CCDC192: variants seen among roughly 807,000 people sequenced by gnomAD.
CCDC192 encodes the protein coiled-coil domain-containing protein 192.
intron 6 of CCDC192, among the ~76,000 whole-genome samples, chr5:127,892,645 A>G (rs1378636449): frequency 6.6e-6 from 1 of 152,180 alleles, no homozygotes; most frequent in Non-Finnish European, 1.5e-5. Context: ...CAGTCCTCTG[A>G]CATCATTTTC....
At chr5:127,827,432 A>T (rs1749582871) in intron 5 of CCDC192, among the ~76,000 whole-genome samples, 1 of 152,246 alleles carries the variant, frequency 6.6e-6, no homozygotes, top group Non-Finnish European at 1.5e-5. Context: ...AAAGAAAAAG[A>T]ACAGATCCCA....
At chr5:127,744,196 A>C (rs1346105148) in intron 2 of CCDC192, among the ~76,000 whole-genome samples, 1 of 151,920 alleles carries the variant, frequency 6.6e-6, no homozygotes, top group Non-Finnish European at 1.5e-5. Flanking sequence ...AATTCTGATC[A>C]TGAAAGGGGA....
At chr5:127,758,289 A>G (rs1397408972) in intron 3 of CCDC192, among the ~76,000 whole-genome samples, 1 of 152,200 alleles carries the variant, frequency 6.6e-6, no homozygotes, top group African/African-American at 2.4e-5. Context: ...TTACAAAGAA[A>G]AAAATTAGAA....
intron 5 of CCDC192, among the ~76,000 whole-genome samples, chr5:127,816,317 C>T (rs1050768519): frequency 6.6e-6 from 1 of 152,156 alleles, no homozygotes; most frequent in Non-Finnish European, 1.5e-5. Flanking sequence ...GCAAAGGAGG[C>T]AGACAGAGAT....
intron 3 of CCDC192, chr5:127,786,859 C>T: frequency 2.0e-6 from 1 of 497,464 alleles, no homozygotes; most frequent in Non-Finnish European, 3.8e-6. Context: ...GCTCCTCATG[C>T]TTGGTTTGAC....
intron 3 of CCDC192, among the ~76,000 whole-genome samples, chr5:127,781,065 A>G (rs951647017): frequency 6.6e-6 from 1 of 152,136 alleles, no homozygotes; most frequent in Non-Finnish European, 1.5e-5. Flanking sequence ...CATTTATCCC[A>G]GCACCATTTG....
chr5:127,842,276 ACTAT>A (rs1392038066), intron 5 of CCDC192, among the ~76,000 whole-genome samples: 1 of 152,226 alleles, frequency 6.6e-6, no homozygotes, highest in Non-Finnish European at 1.5e-5. Context: ...GTACAGCAGT[ACTAT>A]CATAGCTCAC....
At chr5:127,735,454 A>G (rs1409545240) in intron 2 of CCDC192, among the ~76,000 whole-genome samples, 5 of 142,034 alleles carry the variant, frequency 3.5e-5, no homozygotes, top group South Asian at 2.2e-4. Flanking sequence ...GTTTTTTCCA[A>G]TTCTTTGAAG....
intron 5 of CCDC192, among the ~76,000 whole-genome samples, chr5:127,816,870 T>C (rs1749048786): frequency 1.3e-5 from 2 of 152,154 alleles, no homozygotes; most frequent in Non-Finnish European, 2.9e-5. Context: ...CCCAGTAAGT[T>C]TGTGGGTCTC....
At chr5:127,876,927 T>C (rs751798648) in intron 6 of CCDC192, among the ~76,000 whole-genome samples, 2 of 152,220 alleles carry the variant, frequency 1.3e-5, no homozygotes, top group Non-Finnish European at 2.9e-5. Flanking sequence ...ATAAAGGCAG[T>C]TTGTAAATTT....
chr5:127,925,119 C>T (rs1753828371), intron 6 of CCDC192, among the ~76,000 whole-genome samples: 1 of 128,052 alleles, frequency 7.8e-6, no homozygotes, highest in Non-Finnish European at 1.5e-5. Context: ...TCTAAAGTGC[C>T]TTGGATTTGA....
At chr5:127,727,316 T>C (rs527492887) in intron 2 of CCDC192, among the ~76,000 whole-genome samples, 3 of 151,898 alleles carry the variant, frequency 2.0e-5, no homozygotes, top group South Asian at 4.2e-4. Flanking sequence ...CTACTAAAAA[T>C]ACAAGATTAG....
chr5:127,744,621 C>G lies in CCDC192; in HGVS notation c.115-9647C>G, dbSNP rs188570532. On this transcript the variant is annotated intron_variant, in intron 2 of 6. Transcript: ENST00000514853. The stretch of plus-strand genomic sequence containing the variant: ...TCTTGCTCTTAAATAAATGCACATG[C>G]ACATATTTAATACATTAACTGTTCT... Among the ~76,000 whole-genome samples the G allele has an allele frequency of 2.0e-5, 3 of 152,266 alleles. No homozygotes were observed. In the East Asian group the frequency reaches 5.8e-4, roughly 29 times the overall value.
At chr5:127,753,609 AC>A (rs1197143099) in intron 2 of CCDC192, among the ~76,000 whole-genome samples, 2 of 151,338 alleles carry the variant, frequency 1.3e-5, no homozygotes, top group African/African-American at 4.9e-5. Flanking sequence ...AATCGCTTGA[AC>A]CCAGGAGGTG....
At chr5:127,885,046 T>C (rs878989162) in intron 6 of CCDC192, among the ~76,000 whole-genome samples, 1 of 152,144 alleles carries the variant, frequency 6.6e-6, no homozygotes, top group Admixed American at 6.5e-5. Context: ...TTTGGAATTA[T>C]ACCATTATCA....
At chr5:127,799,356 G>T (rs1757355503) in intron 5 of CCDC192, among the ~76,000 whole-genome samples, 1 of 152,148 alleles carries the variant, frequency 6.6e-6, no homozygotes, top group South Asian at 2.1e-4. Context: ...TTTTGGGCTT[G>T]TATGTTCAAT....
chr5:127,740,330 C>G (rs562545432), intron 2 of CCDC192: 5 of 152,262 alleles, frequency 3.3e-5, no homozygotes, highest in African/African-American at 9.6e-5. Flanking sequence ...CAAAAGTGAG[C>G]CTTTCCATCT....
At chr5:127,779,497 G>A (rs1756064218) in intron 3 of CCDC192, among the ~76,000 whole-genome samples, 1 of 137,810 alleles carries the variant, frequency 7.3e-6, no homozygotes, top group Admixed American at 6.8e-5. Flanking sequence ...GGGTTTCACT[G>A]TGTTAGCCGG....
rs574205561 is a variant in CCDC192, at chr5:127,893,913, G to GA, written c.535+18261dup. ...ATCTAAAATAAAAGTTGAAATTAAA[G>GA]AAAAAAAAATTTCATTCCAAATTAA... On this transcript the variant is annotated intron_variant, in intron 6 of 6. Transcript: ENST00000514853. 8.0e-5 allele frequency among the ~76,000 whole-genome samples: 12 copies of GA among 149,710 alleles called. No individual in the cohort carries two copies. The South Asian group carries it at 1.9e-3, about 24-fold the overall frequency.
Sources: allele counts gnomAD v4.1 joint callset (sites outside exome capture counted in the v4.1 genomes callset), GRCh38; gene constraint gnomAD v4.1.1; transcripts MANE v1.5; gene names NCBI Gene and HGNC (gene_info 2026-07-23, HGNC 2026-07-21).